Variants in ZNF385D observed in about 807,000 individuals in gnomAD.
The protein encoded by ZNF385D is zinc finger protein 385D, also known as zinc finger protein 659.
Under a neutral mutation model 35.8 loss-of-function variants are expected in ZNF385D, and 15 were observed. That is an observed-to-expected ratio of 0.42 (90% confidence interval 0.28 to 0.64). The LOEUF (loss-of-function observed/expected upper bound fraction) is 0.64. Ranked by LOEUF, ZNF385D falls within the 30% of genes least tolerant of loss-of-function variation. ZNF385D has a pLI of 0.23. For missense variants in ZNF385D, 474 were observed against 494.6 expected (o/e 0.96, Z 0.39); for synonymous variants, 212 against 186.8 (o/e 1.13, Z -1.10).
At chr3:21,799,707 C>T (rs1234641574) in intron 3 of ZNF385D, among the ~76,000 whole-genome samples, 3 of 152,012 alleles carry the variant, frequency 2.0e-5, no homozygotes, top group Admixed American at 6.6e-5. Flanking sequence ...TACTTTCTCC[C>T]TTTCTGTAGG....
At chr3:22,034,592 T>A (rs1473509736) in intron 3 of ZNF385D, among the ~76,000 whole-genome samples, 1 of 152,206 alleles carries the variant, frequency 6.6e-6, no homozygotes, top group Admixed American at 6.5e-5. Flanking sequence ...TAATATCATA[T>A]ATTTAAGACA....
chr3:22,275,136 G>A (rs1372201345), intron 2 of ZNF385D, among the ~76,000 whole-genome samples: 3 of 152,046 alleles, frequency 2.0e-5, no homozygotes, highest in Non-Finnish European at 4.4e-5. Flanking sequence ...ACTATGTTAG[G>A]AAGAGCCTAC....
intron 2 of ZNF385D, among the ~76,000 whole-genome samples, chr3:22,211,590 T>C (rs1011884538): frequency 2.0e-5 from 3 of 152,038 alleles, no homozygotes; most frequent in Admixed American, 6.6e-5. Context: ...GTGTTCTTCC[T>C]GTATGTGTTG....
intron 3 of ZNF385D, among the ~76,000 whole-genome samples, chr3:22,032,753 A>G (rs1698078904): frequency 6.6e-6 from 1 of 152,124 alleles, no homozygotes; most frequent in South Asian, 2.1e-4. Flanking sequence ...AAAAACAATC[A>G]CGATTAATAA....
In ZNF385D at chr3:22,296,887, G is replaced by T. The variant is rs533916235; in HGVS notation, c.106+75563C>A. Among the ~76,000 whole-genome samples the T allele has an allele frequency of 1.4e-4, 21 of 152,196 alleles. No homozygotes were observed. The South Asian group carries it at 4.1e-3, about 30-fold the overall frequency. ...ACTGGCATGGTGCCATGGCTAATGG[G>T]CCAGGCCAGACTTAAGGAGAAGAGA... On this transcript the variant is annotated intron_variant, in intron 2 of 5. Coordinates refer to the ZNF385D transcript ENST00000494108.
rs545050638 is a variant in ZNF385D at position 22,187,541 on chromosome 3, T to C, written c.107-18506A>G. On this transcript the variant is annotated intron_variant, in intron 2 of 5. Coordinates refer to the ZNF385D transcript ENST00000494108. ...GTACTTTTAAAATATTACATAGATA[T>C]TCCATTTCATTCTTTTTGTAAGGAG... 3.3e-5 allele frequency among the ~76,000 whole-genome samples: 5 copies of C among 152,208 alleles called. No homozygotes were observed. In the East Asian group the frequency reaches 7.7e-4, roughly 23 times the overall value.
At chr3:21,595,779 A>G (rs775910299) in intron 2 of ZNF385D, among the ~76,000 whole-genome samples, 24 of 152,200 alleles carry the variant, frequency 1.6e-4, no homozygotes, top group Admixed American at 3.9e-4. Context: ...AAGCTCTCTT[A>G]GAGAAGCAAA....
intron 3 of ZNF385D, among the ~76,000 whole-genome samples, chr3:21,859,128 T>A (rs905378713): frequency 1.4e-4 from 21 of 152,024 alleles, no homozygotes; most frequent in Non-Finnish European, 2.8e-4. Flanking sequence ...CATCTGGAAA[T>A]AAAATTTGTC....
rs1404912660 is a variant in ZNF385D at position 21,418,235 on chromosome 3, C to T, written c.*2979G>A. ...GGGAAGGAATGTAAAACCATAAAGTCAGACCACCCTCAGGGATTTTCACAG... is the reference window on the plus strand; with the variant it reads ...GGGAAGGAATGTAAAACCATAAAGTTAGACCACCCTCAGGGATTTTCACAG... On this transcript the variant is annotated 3_prime_UTR_variant, in exon 8 of 8. Coordinates refer to ENST00000281523, the MANE Select transcript of ZNF385D (RefSeq NM_024697.3). The T allele has an allele frequency of 1.3e-5, 2 of 152,154 alleles. No homozygotes were observed. The highest frequency in any genetic ancestry group is 1.5e-5 in the Non-Finnish European group (1 of 68,004). 9.4% of individuals were successfully genotyped at this position (152,154 alleles called of 1,614,324 possible).
chr3:22,168,096 T>G (rs942878353), intron 3 of ZNF385D, among the ~76,000 whole-genome samples: 2 of 152,220 alleles, frequency 1.3e-5, no homozygotes, highest in African/African-American at 4.8e-5. Flanking sequence ...TTAGATGAAT[T>G]ATATTTATCA....
chr3:22,334,368 G>C (rs1334070480), intron 2 of ZNF385D, among the ~76,000 whole-genome samples: 2 of 151,888 alleles, frequency 1.3e-5, no homozygotes, highest in East Asian at 3.9e-4. Context: ...AGAATCAAAG[G>C]GCTTTCTAAT....
chr3:21,833,666 A>G (rs1695143846), intron 3 of ZNF385D, among the ~76,000 whole-genome samples: 1 of 152,192 alleles, frequency 6.6e-6, no homozygotes, highest in African/African-American at 2.4e-5. Flanking sequence ...TGACAGCTCC[A>G]GGAAACAAAA....
intron 3 of ZNF385D, among the ~76,000 whole-genome samples, chr3:21,905,589 T>C (rs1205651005): frequency 2.6e-5 from 4 of 151,830 alleles, no homozygotes; most frequent in African/African-American, 9.7e-5. Context: ...GTCCAGAGCA[T>C]CAGAAATATT....
chr3:21,643,729 G>A (rs1257430749), intron 2 of ZNF385D, among the ~76,000 whole-genome samples: 1 of 152,098 alleles, frequency 6.6e-6, no homozygotes, highest in East Asian at 1.9e-4. Flanking sequence ...TTAATGATGT[G>A]TAGAAATGGC....
intron 2 of ZNF385D, among the ~76,000 whole-genome samples, chr3:21,633,597 A>G (rs2065343757): frequency 6.6e-6 from 1 of 152,104 alleles, no homozygotes; most frequent in Non-Finnish European, 1.5e-5. Context: ...GCTGCTCTGA[A>G]TATTAGTTCT....
At chr3:21,627,033 T>C (rs1200313303) in intron 2 of ZNF385D, among the ~76,000 whole-genome samples, 1 of 151,766 alleles carries the variant, frequency 6.6e-6, no homozygotes, top group Non-Finnish European at 1.5e-5. Flanking sequence ...AAACTTTTTT[T>C]TGGACAATTT....
At chr3:21,826,326 C>T (rs900148781) in intron 3 of ZNF385D, among the ~76,000 whole-genome samples, 3 of 152,168 alleles carry the variant, frequency 2.0e-5, no homozygotes, top group Non-Finnish European at 4.4e-5. Flanking sequence ...TATCCGATAA[C>T]TTGGGCTGCA....
At position 21,685,092 on chromosome 3, in the gene ZNF385D, C is replaced by T. The variant is rs375927006; in HGVS notation, c.23-20064G>A. Among the ~76,000 whole-genome samples, 11 of 152,220 alleles carry T rather than the reference C, an allele frequency of 7.2e-5. 1 individual carries two copies. Among genetic ancestry groups the T allele is most frequent in the Admixed American group, 2.0e-4 (3 of 15,294 alleles). ...GTGATAAAGGAATATACGTTTTTAA[C>T]GCTAAGAAAAAAATACTGCAAAATC... On this transcript the variant is annotated intron_variant, in intron 1 of 7. Transcript: ENST00000281523.
In ZNF385D at chr3:21,750,901, A is replaced by G; in HGVS notation, c.16T>C (p.Tyr6His). MRNIM[Y>H]FGGTCQSPAL... ...CATCAGAGTGAACACTCACCAAAAT[A>G]CATTATGTTTCTCATTAATCAGACA... The change falls in exon 1 of 8, where the codon TAT becomes CAT. Residue 6 changes from tyrosine to histidine, a missense_variant. By Grantham distance (83) the Tyr-to-His change is moderately conservative (BLOSUM62 2). Coordinates refer to ENST00000281523, the MANE Select transcript of ZNF385D (RefSeq NM_024697.3). The G allele has an allele frequency of 1.2e-6, 2 of 1,614,104 alleles. No individual in the cohort carries two copies. Among genetic ancestry groups the G allele is most frequent in the Non-Finnish European group, 1.7e-6 (2 of 1,179,998 alleles).
Sources: gnomAD v4.1 joint callset for allele counts (sites outside exome capture counted in the v4.1 genomes callset) on GRCh38, gnomAD v4.1.1 for gene constraint, MANE v1.5 for transcripts, NCBI Gene and HGNC (gene_info 2026-07-23, HGNC 2026-07-21) for gene names.